Variants in CARD8 observed in about 807,000 individuals in gnomAD.
The protein encoded by CARD8 is caspase recruitment domain family member 8, also known as caspase recruitment domain-containing protein 8.
CARD8 carries 38 observed loss-of-function variants against 53.2 expected under a neutral mutation model. The observed-to-expected ratio is 0.71, with a 90% CI of 0.55 to 0.94. The LOEUF is 0.94. Ranked by LOEUF, CARD8 falls within the 40% of genes least tolerant of loss-of-function variation. The pLI, the probability that CARD8 is intolerant of heterozygous loss-of-function variation, is 0.00. For synonymous variants in CARD8, 245 were observed against 244.9 expected (o/e 1.00, Z 0.00); for missense variants, 561 against 655.5 (o/e 0.86, Z 1.57).
At chr19:48,215,670 C>A (rs766109230) in intron 12 of CARD8, among the ~76,000 whole-genome samples, 4 of 152,176 alleles carry the variant, frequency 2.6e-5, no homozygotes, top group Non-Finnish European at 2.9e-5. Context: ...TACAGTGCTA[C>A]ATAAATTACA....
chr19:48,251,958 T>C (rs1057253963), intron 1 of CARD8, among the ~76,000 whole-genome samples: 21 of 152,286 alleles, frequency 1.4e-4, no homozygotes, highest in African/African-American at 5.1e-4. Flanking sequence ...TGTGCTTTTA[T>C]TGCTCAAACA....
At position 48,253,729 on chromosome 19, in the gene CARD8, A is replaced by T. The variant is rs2047224224; in HGVS notation, c.-252+2063T>A. The stretch of plus-strand genomic sequence containing the variant: ...TATAAAGTAGATCACTTCAATAAGA[A>T]TAACAATTTTAATTTTGTGTATACA... On this transcript the variant is annotated intron_variant, in intron 1 of 13. Coordinates refer to ENST00000651546, the MANE Select transcript of CARD8 (RefSeq NM_001184900.3). 2.6e-5 allele frequency among the ~76,000 whole-genome samples: 4 copies of T among 152,240 alleles called. No individual in the cohort carries two copies. The South Asian group carries it at 8.3e-4, about 32-fold the overall frequency.
chr19:48,207,734 G>GTTTTTTTTTTTTTTTGT (rs2037434157), downstream of CARD8, among the ~76,000 whole-genome samples: 8 of 116,536 alleles, frequency 6.9e-5, 1 homozygote, highest in African/African-American at 1.8e-4. Flanking sequence ...TTGTTTTTCT[G>GTTTTTTTTTTTTTTTGT]TTTTTTTTTT....
intron 5 of CARD8, 113 bp downstream of exon 5, chr19:48,238,270 T>G: frequency 1.4e-6 from 2 of 1,418,920 alleles, no homozygotes; most frequent in Non-Finnish European, 1.8e-6. Flanking sequence ...GTAACATATA[T>G]ACTAATTTTT....
intron 3 of CARD8, among the ~76,000 whole-genome samples, chr19:48,244,816 T>C (rs951708049): frequency 6.6e-6 from 1 of 152,086 alleles, no homozygotes; most frequent in Non-Finnish European, 1.5e-5. Context: ...TTTTGTTTTG[T>C]TTTGTTTTAG....
At chr19:48,223,272 C>A (rs1312664534) in intron 10 of CARD8, among the ~76,000 whole-genome samples, 2 of 151,330 alleles carry the variant, frequency 1.3e-5, no homozygotes, top group African/African-American at 4.9e-5. Context: ...CCACTGTACT[C>A]CAGCCTGAGC....
intron 13 of CARD8, 52 bp from the exon 14 acceptor site, chr19:48,212,027 C>A: frequency 6.4e-7 from 1 of 1,561,756 alleles, no homozygotes; most frequent in Non-Finnish European, 8.7e-7. Flanking sequence ...TTACAGGATT[C>A]AGGATCTATA....
At position 48,231,771 on chromosome 19, in the gene CARD8, TA is replaced by T. The variant is rs781350243; in HGVS notation, c.430del (p.Tyr144MetfsTer29). 1.4e-5 allele frequency: 23 copies of T among 1,613,752 alleles called. No homozygotes were observed. Among genetic ancestry groups the T allele is most frequent in the Non-Finnish European group, 1.9e-5 (22 of 1,179,818 alleles). On this transcript the variant is annotated frameshift_variant, in exon 8 of 14. Transcript: ENST00000651546. LOFTEE classifies it high-confidence loss of function. The stretch of plus-strand genomic sequence containing the variant: ...GATCTCAAAACAGACTTTAGAAGCA[TA>T]AGAGGAAACTATTTGATTCTCTTCT... ...CSEENQIVSS[Y>X]ASKVCFEIEE...
intron 12 of CARD8, among the ~76,000 whole-genome samples, chr19:48,218,353 CTTTT>C (rs770280304): frequency 9.7e-4 from 106 of 109,042 alleles, no homozygotes; most frequent in African/African-American, 3.6e-3. Flanking sequence ...TTATCTTCTT[CTTTT>C]TTTTTTTTTT....
chr19:48,217,102 C>G (rs573408712), intron 12 of CARD8, among the ~76,000 whole-genome samples: 20 of 152,118 alleles, frequency 1.3e-4, no homozygotes, highest in African/African-American at 4.3e-4. Flanking sequence ...TGTAATGCCA[C>G]CACTGATCCG....
In CARD8 at chr19:48,231,783, AT is replaced by A; in HGVS notation, c.418del (p.Ile140Ter). 1 of 1,613,984 alleles carries A rather than the reference AT, an allele frequency of 6.2e-7. No individual in the cohort carries two copies. The highest frequency in any genetic ancestry group is 8.5e-7 in the Non-Finnish European group (1 of 1,179,908). ...SGDICSEENQIVSSYASKVCF... is the reference protein window; with the variant it reads ...SGDICSEENQXVSSYASKVCF... ...GACTTTAGAAGCATAAGAGGAAACT[AT>A]TTGATTCTCTTCTGAGCAAATGTCT... On this transcript the variant is annotated frameshift_variant, in exon 8 of 14. Coordinates refer to ENST00000651546, the MANE Select transcript of CARD8 (RefSeq NM_001184900.3). LOFTEE classifies it high-confidence loss of function.
At chr19:48,227,533 A>G (rs2042023602) in intron 10 of CARD8, among the ~76,000 whole-genome samples, 1 of 152,180 alleles carries the variant, frequency 6.6e-6, no homozygotes, top group Non-Finnish European at 1.5e-5. Flanking sequence ...TGCCAGGAGC[A>G]GTGGTCCATG....
intron 13 of CARD8, 41 bp from the exon 14 acceptor site, chr19:48,212,016 C>G: frequency 6.3e-7 from 1 of 1,587,562 alleles, no homozygotes; most frequent in South Asian, 1.1e-5. Context: ...GAATCGTTCA[C>G]TTACAGGATT....
At chr19:48,207,679 T>A (rs2037413795), downstream of CARD8, among the ~76,000 whole-genome samples, 1 of 151,854 alleles carries the variant, frequency 6.6e-6, no homozygotes. Context: ...TATTTACATC[T>A]TCTTCTTAGT....
chr19:48,250,319 A>T (rs2046786089), intron 1 of CARD8, among the ~76,000 whole-genome samples: 1 of 152,226 alleles, frequency 6.6e-6, no homozygotes, highest in African/African-American at 2.4e-5. Flanking sequence ...AGGTGACATT[A>T]GTCTGAGGTT....
chr19:48,239,936 G>A lies in CARD8; in HGVS notation c.59+1026C>T, dbSNP rs575814886. Among the ~76,000 whole-genome samples, 3 of 152,210 alleles carry A rather than the reference G, an allele frequency of 2.0e-5. No homozygotes were observed. In the East Asian group the frequency reaches 5.8e-4, roughly 29 times the overall value. On this transcript the variant is annotated intron_variant, in intron 4 of 13. Coordinates refer to ENST00000651546, the MANE Select transcript of CARD8 (RefSeq NM_001184900.3). ...AGACTTCTTGTTCTGTCCAAGCATG[G>A]GGAAAGAGAAAGGAGCTCTCCAGGG...
At chr19:48,250,846 C>T (rs1426587467) in intron 1 of CARD8, among the ~76,000 whole-genome samples, 1 of 152,060 alleles carries the variant, frequency 6.6e-6, no homozygotes, top group South Asian at 2.1e-4. Context: ...AGGAGCTGCA[C>T]CTCTGAAAAA....
intron 10 of CARD8, among the ~76,000 whole-genome samples, chr19:48,223,559 C>T (rs780133414): frequency 1.3e-5 from 2 of 152,118 alleles, no homozygotes; most frequent in Non-Finnish European, 2.9e-5. Context: ...AAAGAAATAA[C>T]ATATCATACC....
Position 48,211,892 on chromosome 19 carries a change from T to C in CARD8, c.1432A>G (p.Asn478Asp). 6.2e-7 allele frequency: 1 copy of C among 1,614,108 alleles called. No individual in the cohort carries two copies. Among genetic ancestry groups the C allele is most frequent in the South Asian group, 1.1e-5 (1 of 91,076 alleles). Residue 478 changes from asparagine to aspartate, a missense_variant, in exon 14 of 14, where the codon AAT (asparagine) becomes GAT (aspartate). By Grantham distance (23) the Asn-to-Asp change is conservative. Transcript: ENST00000651546. ...LKGVLDDLQDNEVLTENEKEL... is the reference protein window; with the variant it reads ...LKGVLDDLQDDEVLTENEKEL... Reference sequence around the variant, plus strand: ...TTCTCATTCTCAGTAAGAACCTCATTGTCTTGGAGATCATCGAGCACCCCT... The same window carrying C: ...TTCTCATTCTCAGTAAGAACCTCATCGTCTTGGAGATCATCGAGCACCCCT...
Sources: allele counts gnomAD v4.1 joint callset (sites outside exome capture counted in the v4.1 genomes callset), GRCh38; gene constraint gnomAD v4.1.1; transcripts MANE v1.5; gene names NCBI Gene and HGNC (gene_info 2026-07-23, HGNC 2026-07-21).